SUSD3: variants seen among roughly 807,000 people sequenced by gnomAD.
SUSD3 encodes the protein sushi domain containing 3, also known as sushi domain-containing protein 3.
In SUSD3, 18 loss-of-function variants were observed where a neutral mutation model predicts 20.6. That is an observed-to-expected ratio of 0.87 (90% CI 0.60 to 1.30). The LOEUF (loss-of-function observed/expected upper bound fraction) is 1.30. SUSD3 is among the 50% of genes most tolerant of loss of function. The probability of loss-of-function intolerance (pLI) is 0.00; values close to 1 mark genes in which losing one functional copy is unlikely to be tolerated. For synonymous variants in SUSD3, 137 were observed against 141.5 expected (o/e 0.97, Z 0.23); for missense variants, 306 against 346.9 (o/e 0.88, Z 0.94).
chr9:93,065,543 C>T (rs1253057470), intron 1 of SUSD3, among the ~76,000 whole-genome samples: 1 of 152,206 alleles, frequency 6.6e-6, no homozygotes, highest in Non-Finnish European at 1.5e-5. Context: ...ATGCAGAAGT[C>T]GCAGCTCTAA....
chr9:93,065,459 G>A (rs903852141), intron 1 of SUSD3, among the ~76,000 whole-genome samples: 1 of 152,216 alleles, frequency 6.6e-6, no homozygotes, highest in African/African-American at 2.4e-5. Flanking sequence ...ATCCGCCAAC[G>A]GCTACTCCCA....
intron 1 of SUSD3, among the ~76,000 whole-genome samples, chr9:93,059,478 C>T (rs1408379134): frequency 1.3e-5 from 2 of 152,182 alleles, no homozygotes; most frequent in Non-Finnish European, 1.5e-5. Flanking sequence ...GAGTTGTCTG[C>T]TCCCGTGCCC....
chr9:93,058,753 C>T lies in SUSD3; in HGVS notation c.11C>T (p.Ala4Val), dbSNP rs940036240. The change falls in exon 1 of 5, where the codon GCG (alanine) becomes GTG (valine). Residue 4 changes from alanine (A) to valine (V), a missense_variant. Physicochemically the swap from Ala to Val is moderately conservative, Grantham distance 64. Transcript: ENST00000375472. ...CTCGGAGCGCGCAGGATGCGCTGGGCGGCCGCCACCCTCCGTGGCAAGGCG... is the reference window on the plus strand; with the variant it reads ...CTCGGAGCGCGCAGGATGCGCTGGGTGGCCGCCACCCTCCGTGGCAAGGCG... The part of the protein sequence containing the change: MRW[A>V]AATLRGKARP... The T allele has an allele frequency of 1.5e-5, 18 of 1,235,624 alleles. No homozygotes were observed. The highest frequency in any genetic ancestry group is 1.8e-5 in the Non-Finnish European group (18 of 989,572). 76.5% of individuals were successfully genotyped at this position (1,235,624 alleles called of 1,614,324 possible). A position where few individuals can be genotyped will look rare whatever the true frequency, so the allele number is the denominator to read the frequency against.
chr9:93,064,973 C>T (rs62573568), intron 1 of SUSD3, among the ~76,000 whole-genome samples: 5,265 of 152,300 alleles, frequency 0.035, 135 homozygotes, highest in Non-Finnish European at 0.048. Flanking sequence ...GCTATGTCCC[C>T]GCGGTGACAC....
chr9:93,066,741 C>T (rs1825729755), intron 1 of SUSD3, among the ~76,000 whole-genome samples: 1 of 151,740 alleles, frequency 6.6e-6, no homozygotes, highest in Non-Finnish European at 1.5e-5. Flanking sequence ...GACGGAGTCA[C>T]TCTGTTGCCC....
At chr9:93,081,167 T>A (rs1468388697) in intron 4 of SUSD3, among the ~76,000 whole-genome samples, 2 of 152,192 alleles carry the variant, frequency 1.3e-5, no homozygotes, top group Non-Finnish European at 2.9e-5. Flanking sequence ...CTGTGAGTGC[T>A]TCCTGCCTTG....
At chr9:93,076,013 G>C in intron 2 of SUSD3, 41 bp downstream of exon 2, 1 of 1,530,032 alleles carries the variant, frequency 6.5e-7, no homozygotes, top group Non-Finnish European at 8.9e-7. Flanking sequence ...TGGGGGTGGG[G>C]GATGGCCCCA....
intron 1 of SUSD3, among the ~76,000 whole-genome samples, chr9:93,074,264 A>G (rs997988043): frequency 6.6e-6 from 1 of 151,834 alleles, no homozygotes; most frequent in Non-Finnish European, 1.5e-5. Context: ...CCCCGTCTCT[A>G]CTAAAAATAC....
At chr9:93,072,587 A>G (rs1460364717) in intron 1 of SUSD3, among the ~76,000 whole-genome samples, 1 of 152,164 alleles carries the variant, frequency 6.6e-6, no homozygotes, top group African/African-American at 2.4e-5. Flanking sequence ...TCTGAGCCTC[A>G]GTTTCCCCCC....
intron 2 of SUSD3, 23 bp from the exon 3 acceptor site, chr9:93,077,823 G>A (rs1826228683): frequency 6.2e-7 from 1 of 1,613,586 alleles, no homozygotes; most frequent in Non-Finnish European, 8.5e-7. Context: ...TCGCCCAGGA[G>A]CTGGTGGTTG....
At chr9:93,080,637 G>A (rs1416850707) in intron 4 of SUSD3, among the ~76,000 whole-genome samples, 1 of 152,234 alleles carries the variant, frequency 6.6e-6, no homozygotes, top group Non-Finnish European at 1.5e-5. Context: ...ATGGAATGGG[G>A]TCTCTTGGCT....
At chr9:93,074,144 C>T (rs1394315144) in intron 1 of SUSD3, among the ~76,000 whole-genome samples, 1 of 152,032 alleles carries the variant, frequency 6.6e-6, no homozygotes, top group Non-Finnish European at 1.5e-5. Flanking sequence ...TCTCTGTGTC[C>T]TTATTTAAGA....
chr9:93,077,305 C>T (rs1052785812), intron 2 of SUSD3, among the ~76,000 whole-genome samples: 1 of 151,988 alleles, frequency 6.6e-6, no homozygotes, highest in Non-Finnish European at 1.5e-5. Context: ...AAAACCCAGA[C>T]CATGGGCTGG....
intron 1 of SUSD3, among the ~76,000 whole-genome samples, chr9:93,071,275 G>A (rs1825900827): frequency 6.6e-6 from 1 of 152,228 alleles, no homozygotes; most frequent in Non-Finnish European, 1.5e-5. Context: ...AAGGAGCAAG[G>A]AAGCCAGTCT....
chr9:93,077,744 TA>T, intron 2 of SUSD3, 101 bp from the exon 3 acceptor site: 2 of 1,324,790 alleles, frequency 1.5e-6, no homozygotes, highest in Non-Finnish European at 2.1e-6. Flanking sequence ...AGGCCCTGTC[TA>T]CACCCAGGCC....
chr9:93,075,791 C>T lies in SUSD3; in HGVS notation c.96C>T (p.Cys32=), dbSNP rs572072706. 23 of 1,478,960 alleles carry T rather than the reference C, an allele frequency of 1.6e-5. No homozygotes were observed. Among genetic ancestry groups the T allele is most frequent in the East Asian group, 6.2e-5 (2 of 32,500 alleles). 91.6% of individuals were successfully genotyped at this position (1,478,960 alleles called of 1,614,324 possible). The change falls in exon 2 of 5, where the codon TGC becomes TGT. Residue 32 remains cysteine, a synonymous_variant. Transcript: ENST00000375472. ...TPAPGNRTGT[C]AKLRLPPQAT... Reference sequence around the variant, plus strand: ...ACCTGCCTGTCTCCCCAGGCACGTGCGCTAAGCTGCGGCTACCCCCGCAAG... The same window carrying T: ...ACCTGCCTGTCTCCCCAGGCACGTGTGCTAAGCTGCGGCTACCCCCGCAAG...
intron 4 of SUSD3, among the ~76,000 whole-genome samples, chr9:93,083,356 C>T (rs1350818997): frequency 2.0e-5 from 3 of 152,090 alleles, no homozygotes; most frequent in Non-Finnish European, 2.9e-5. Context: ...AGCCCTGGGC[C>T]CCGGGCTCCC....
Position 93,058,713 on chromosome 9 carries a change from G to A in SUSD3, c.-30G>A, listed in dbSNP as rs1477798261. On this transcript the variant is annotated 5_prime_UTR_variant, in exon 1 of 5. Transcript: ENST00000375472. Reference sequence around the variant, plus strand: ...ACAAGCCGGGCTCACTCCCCTGGCAGACCCCGCCAAGCGCCTCGGAGCGCG... The same window carrying A: ...ACAAGCCGGGCTCACTCCCCTGGCAAACCCCGCCAAGCGCCTCGGAGCGCG... 5.7e-6 allele frequency: 7 copies of A among 1,220,320 alleles called. No homozygotes were observed. Among genetic ancestry groups the A allele is most frequent in the Non-Finnish European group, 7.2e-6 (7 of 977,266 alleles). The allele number at this position is 1,220,320 out of a possible 1,614,324, so 75.6% of individuals were successfully genotyped here.
intron 4 of SUSD3, 101 bp from the exon 5 acceptor site, chr9:93,084,436 C>T (rs1826560410): frequency 1.4e-5 from 16 of 1,130,432 alleles, no homozygotes; most frequent in South Asian, 3.3e-5. Flanking sequence ...GCAGCAGTTG[C>T]CCCAGGCCCA....
Sources: gnomAD v4.1 joint callset for allele counts (sites outside exome capture counted in the v4.1 genomes callset) on GRCh38, gnomAD v4.1.1 for gene constraint, MANE v1.5 for transcripts, NCBI Gene and HGNC (gene_info 2026-07-23, HGNC 2026-07-21) for gene names.